PRUNE2: variants seen among roughly 807,000 people sequenced by gnomAD.
The protein encoded by PRUNE2 is prune homolog 2 with BCH domain, also known as protein prune homolog 2.
In PRUNE2, 164 loss-of-function variants were observed where a neutral mutation model predicts 252.0. The observed-to-expected ratio is 0.65, with a 90% confidence interval of 0.57 to 0.74. PRUNE2 has a LOEUF of 0.74. Ranked by LOEUF, PRUNE2 falls within the 30% of genes least tolerant of loss-of-function variation. The pLI is 0.00. For synonymous variants in PRUNE2, 1,292 were observed against 1,350.2 expected (o/e 0.96, Z 0.94); for missense variants, 3,495 against 3,711.0 (o/e 0.94, Z 1.51).
chr9:76,878,726 T>C (rs921004647), intron 1 of PRUNE2, among the ~76,000 whole-genome samples: 6 of 152,130 alleles, frequency 3.9e-5, no homozygotes, highest in African/African-American at 1.4e-4. Flanking sequence ...CTTCTAAAAC[T>C]TAAAAAAATC....
chr9:76,689,052 C>G (rs1160863379), intron 9 of PRUNE2, among the ~76,000 whole-genome samples: 1 of 152,156 alleles, frequency 6.6e-6, no homozygotes, highest in Non-Finnish European at 1.5e-5. Context: ...AGAGCCCCAC[C>G]GTTGTGTAAT....
chr9:76,785,459 T>C (rs1441179582), intron 6 of PRUNE2: 2 of 152,208 alleles, frequency 1.3e-5, no homozygotes, highest in Non-Finnish European at 2.9e-5. Flanking sequence ...GTATCTTATA[T>C]AATATACTTC....
At position 76,654,648 on chromosome 9, in the gene PRUNE2, T is replaced by C. The variant is rs2133350822; in HGVS notation, c.8356+775A>G. 2.6e-5 allele frequency among the ~76,000 whole-genome samples: 4 copies of C among 152,354 alleles called. 1 individual carries two copies. In the Middle Eastern group the frequency reaches 0.014, roughly 518 times the overall value. Reference sequence around the variant, plus strand: ...CCATATCAGATAACCATAGCCTTAGTGCCTTTATCATTCAAAAGTACATTG... The same window carrying C: ...CCATATCAGATAACCATAGCCTTAGCGCCTTTATCATTCAAAAGTACATTG... On this transcript the variant is annotated intron_variant, in intron 10 of 18. Coordinates refer to ENST00000376718, the MANE Select transcript of PRUNE2 (RefSeq NM_015225.3).
In PRUNE2 at chr9:76,691,911, T is replaced by G. The variant is rs1240340364; in HGVS notation, c.8276+11426A>C. The G allele has an allele frequency of 5.5e-5, 33 of 601,756 alleles. No homozygotes were observed. The Admixed American group carries it at 5.7e-4, about 10-fold the overall frequency. 37.3% of individuals were successfully genotyped at this position (601,756 alleles called of 1,614,324 possible). ...CGGAATAAAATGCAGCTGGCAGCTG[T>G]CAGTTGCAAGGGGCTGGGCAGAATT... On this transcript the variant is annotated intron_variant, in intron 9 of 18. Transcript: ENST00000376718.
chr9:76,759,277 AG>A (rs2051461082), intron 6 of PRUNE2: 1 of 152,240 alleles, frequency 6.6e-6, no homozygotes, highest in Non-Finnish European at 1.5e-5. Flanking sequence ...TGATACAAAC[AG>A]GAAGCAGGGA....
At chr9:76,740,922 C>G (rs1317970138) in intron 6 of PRUNE2, among the ~76,000 whole-genome samples, 1 of 152,202 alleles carries the variant, frequency 6.6e-6, no homozygotes. Context: ...ATATTGATTT[C>G]TCCTACACTT....
At chr9:76,636,372 G>C (rs1388582807) in intron 15 of PRUNE2, 99 bp downstream of exon 15, 6 of 703,116 alleles carry the variant, frequency 8.5e-6, no homozygotes, top group Non-Finnish European at 1.0e-5. Flanking sequence ...ATATTTCCCT[G>C]GGTACTCTTA....
chr9:76,719,468 A>C (rs1265549487), intron 6 of PRUNE2, among the ~76,000 whole-genome samples: 1 of 152,104 alleles, frequency 6.6e-6, no homozygotes, highest in Admixed American at 6.5e-5. Context: ...AATGGGCACT[A>C]TCAAACTTTT....
At chr9:76,890,970 G>A (rs2062435354) in intron 1 of PRUNE2, among the ~76,000 whole-genome samples, 1 of 152,204 alleles carries the variant, frequency 6.6e-6, no homozygotes, top group Non-Finnish European at 1.5e-5. Flanking sequence ...ACTCACCAGA[G>A]GCCAATGCAT....
Position 76,803,689 on chromosome 9 carries a change from C to G in PRUNE2, c.756+19943G>C, listed in dbSNP as rs1408069940. On this transcript the variant is annotated intron_variant, in intron 6 of 18. Coordinates refer to ENST00000376718, the MANE Select transcript of PRUNE2 (RefSeq NM_015225.3). ...CTCTCTCCCTTTCCTTCTTTCCCCA[C>G]CTGTTCCTTCTATCCCTCATTTATC... 6.6e-5 allele frequency among the ~76,000 whole-genome samples: 10 copies of G among 152,190 alleles called. No homozygotes were observed. The East Asian group carries it at 1.9e-3, about 29-fold the overall frequency.
intron 6 of PRUNE2, among the ~76,000 whole-genome samples, chr9:76,772,811 A>G (rs2053264494): frequency 6.6e-6 from 1 of 152,008 alleles, no homozygotes; most frequent in South Asian, 2.1e-4. Flanking sequence ...CAATCCTCCC[A>G]TCTTGGCCTC....
At chr9:76,698,617 G>C (rs181784736) in intron 9 of PRUNE2, among the ~76,000 whole-genome samples, 4 of 152,254 alleles carry the variant, frequency 2.6e-5, no homozygotes, top group Non-Finnish European at 4.4e-5. Flanking sequence ...CCAACACTGA[G>C]AGAAAGAGTC....
At chr9:76,868,837 T>TGGGGG (rs111357062) in intron 1 of PRUNE2, 47 of 77,162 alleles carry the variant, frequency 6.1e-4, no homozygotes, top group Non-Finnish European at 9.3e-4. Flanking sequence ...CCTTGGGGGG[T>TGGGGG]GGGGGGGGGG....
At chr9:76,655,291 C>T (rs1304494069) in intron 10 of PRUNE2, 132 bp downstream of exon 10, 5 of 735,898 alleles carry the variant, frequency 6.8e-6, no homozygotes, top group African/African-American at 5.3e-5. Flanking sequence ...TCATATCACA[C>T]ATTTCTTTTT....
intron 6 of PRUNE2, among the ~76,000 whole-genome samples, chr9:76,753,353 AC>A (rs869174256): frequency 1.2e-5 from 1 of 83,232 alleles, no homozygotes; most frequent in Non-Finnish European, 2.2e-5. Flanking sequence ...CATATTTATT[AC>A]TAAAGGATGC....
chr9:76,818,564 G>C (rs750867361), intron 6 of PRUNE2, among the ~76,000 whole-genome samples: 3 of 152,040 alleles, frequency 2.0e-5, no homozygotes, highest in Non-Finnish European at 4.4e-5. Context: ...AGAGTGGCTG[G>C]TCATGAGGAG....
chr9:76,777,342 C>T (rs1809460427), intron 6 of PRUNE2, among the ~76,000 whole-genome samples: 1 of 152,092 alleles, frequency 6.6e-6, no homozygotes, highest in South Asian at 2.1e-4. Context: ...ATAATAAGCA[C>T]AGGAATGGTG....
rs541557981 is a variant in PRUNE2 at position 76,806,177 on chromosome 9, C to T, written c.756+17455G>A. Among the ~76,000 whole-genome samples, 83 of 152,292 alleles carry T rather than the reference C, an allele frequency of 5.5e-4. 1 individual carries two copies. The highest frequency in any genetic ancestry group is 3.4e-3 in the Middle Eastern group (1 of 294). ...ATAAATTCTCAGGCCCCAACCCAGA[C>T]CTACTGAGTCAGAAACTGTAAGAGT... is the stretch of plus-strand genomic sequence containing the variant. On this transcript the variant is annotated intron_variant, in intron 6 of 18. Coordinates refer to ENST00000376718, the MANE Select transcript of PRUNE2 (RefSeq NM_015225.3).
intron 6 of PRUNE2, among the ~76,000 whole-genome samples, chr9:76,789,301 A>C (rs1257630873): frequency 1.3e-5 from 2 of 152,118 alleles, no homozygotes; most frequent in Non-Finnish European, 2.9e-5. Context: ...CATAGCAATC[A>C]CTATTATTCC....
Sources: gnomAD v4.1 joint callset for allele counts (sites outside exome capture counted in the v4.1 genomes callset) on GRCh38, gnomAD v4.1.1 for gene constraint, MANE v1.5 for transcripts, NCBI Gene and HGNC (gene_info 2026-07-23, HGNC 2026-07-21) for gene names.